R3HDM1: variants seen among roughly 807,000 people sequenced by gnomAD.
The protein encoded by R3HDM1 is R3H domain containing 1, also known as R3H domain-containing protein 1.
R3HDM1 carries 46 observed loss-of-function variants against 141.1 expected under a neutral mutation model. The ratio of observed to expected loss-of-function variants is 0.33; its 90% CI spans 0.26 to 0.42. R3HDM1 has a LOEUF of 0.42. R3HDM1 is among the 10% of genes least tolerant of loss of function. The pLI, the probability that R3HDM1 is intolerant of heterozygous loss-of-function variation, is 1.00. For missense variants in R3HDM1, 1,184 were observed against 1,368.3 expected (o/e 0.87, Z 2.12); for synonymous variants, 435 against 472.9 (o/e 0.92, Z 1.04).
At chr2:135,556,561 C>G (rs1700804154) in intron 1 of R3HDM1, among the ~76,000 whole-genome samples, 1 of 151,506 alleles carries the variant, frequency 6.6e-6, no homozygotes, top group Non-Finnish European at 1.5e-5. Context: ...CTCTGTCCCC[C>G]AGGCTGGAGT....
intron 1 of R3HDM1, among the ~76,000 whole-genome samples, chr2:135,578,220 A>T (rs1024080520): frequency 6.6e-6 from 1 of 152,220 alleles, no homozygotes; most frequent in Non-Finnish European, 1.5e-5. Context: ...TCGCTGAACT[A>T]CTTGCAGTGC....
chr2:135,720,733 A>G (rs2076622851), intron 24 of R3HDM1, among the ~76,000 whole-genome samples: 1 of 152,236 alleles, frequency 6.6e-6, no homozygotes, highest in Non-Finnish European at 1.5e-5. Context: ...CTTAAGACCT[A>G]GGATGTACAA....
intron 1 of R3HDM1, chr2:135,550,145 T>C: frequency 2.0e-6 from 2 of 983,374 alleles, no homozygotes; most frequent in African/African-American, 3.5e-5. Flanking sequence ...GTTGTCATTC[T>C]ATGTTACACG....
intron 19 of R3HDM1, among the ~76,000 whole-genome samples, chr2:135,670,781 G>A (rs1366855089): frequency 2.6e-5 from 4 of 152,070 alleles, no homozygotes; most frequent in Non-Finnish European, 4.4e-5. Flanking sequence ...ATTCAGGCCA[G>A]GTGCCGTGGC....
At chr2:135,645,264 T>C (rs77251379) in intron 15 of R3HDM1, 115 bp from the exon 16 acceptor site, 2 of 857,294 alleles carry the variant, frequency 2.3e-6, no homozygotes, top group East Asian at 5.5e-5. Context: ...AATATTAGGG[T>C]TTTTTTTTAA....
intron 1 of R3HDM1, among the ~76,000 whole-genome samples, chr2:135,600,925 C>G (rs1038534430): frequency 6.6e-6 from 1 of 152,176 alleles, no homozygotes; most frequent in Non-Finnish European, 1.5e-5. Flanking sequence ...GTGTTCACCT[C>G]TTCGGTTTTG....
intron 1 of R3HDM1, among the ~76,000 whole-genome samples, chr2:135,602,218 A>G (rs1449452049): frequency 1.3e-5 from 2 of 151,916 alleles, no homozygotes; most frequent in African/African-American, 2.4e-5. Flanking sequence ...TACTATCTCA[A>G]TTATAACCCT....
At chr2:135,639,311 A>G (rs988438422) in intron 14 of R3HDM1, among the ~76,000 whole-genome samples, 189 bp downstream of exon 14, 4 of 152,202 alleles carry the variant, frequency 2.6e-5, no homozygotes, top group African/African-American at 9.7e-5. Flanking sequence ...TCTGTCCTGG[A>G]CACAGATTTA....
chr2:135,535,914 A>G (rs987752306), intron 1 of R3HDM1, among the ~76,000 whole-genome samples: 1 of 152,122 alleles, frequency 6.6e-6, no homozygotes, highest in African/African-American at 2.4e-5. Flanking sequence ...TGGTTTTTTT[A>G]TATCTAGATT....
chr2:135,651,827 T>G lies in R3HDM1; in HGVS notation c.1823T>G (p.Val608Gly). Residue 608 changes from valine (V) to glycine (G), a missense_variant, in exon 18 of 27, where the codon GTG becomes GGG. Physicochemically the swap from Val to Gly is moderately radical, Grantham distance 109. Transcript: ENST00000683871. ...CATGCCGCCATGTTCCAGTCCACTG[T>G]GGTTCTTCAGTCTCCACAGCAGTCT... is the stretch of plus-strand genomic sequence containing the variant. ...DPHAAMFQST[V>G]VLQSPQQSGY... The G allele has an allele frequency of 6.2e-7, 1 of 1,614,130 alleles. No individual in the cohort carries two copies.
At chr2:135,552,664 T>A (rs1215928218) in intron 1 of R3HDM1, among the ~76,000 whole-genome samples, 2 of 152,140 alleles carry the variant, frequency 1.3e-5, no homozygotes, top group African/African-American at 4.8e-5. Flanking sequence ...TAAGGGAGGC[T>A]TTAGAGGAAG....
chr2:135,641,526 C>G lies in R3HDM1; in HGVS notation c.1220-10C>G. The G allele has an allele frequency of 6.3e-7, 1 of 1,580,022 alleles. No homozygotes were observed. The highest frequency in any genetic ancestry group is 8.6e-7 in the Non-Finnish European group (1 of 1,168,484). On this transcript the variant is annotated splice_polypyrimidine_tract_variant and intron_variant, in intron 14 of 26. Coordinates refer to ENST00000683871, the MANE Select transcript of R3HDM1 (RefSeq NM_001378107.1). The stretch of plus-strand genomic sequence containing the variant: ...TAAAAAATCCATATTTTTCATTACT[C>G]CTCTTCTAGGTTCTGAGTCTTCTGG...
At chr2:135,693,159 C>T (rs2072706694) in intron 21 of R3HDM1, among the ~76,000 whole-genome samples, 2 of 152,070 alleles carry the variant, frequency 1.3e-5, no homozygotes, top group South Asian at 4.1e-4. Context: ...TAATAATGAG[C>T]ACAATGGATT....
intron 7 of R3HDM1, among the ~76,000 whole-genome samples, chr2:135,629,703 C>G (rs1420902698): frequency 6.6e-6 from 1 of 152,054 alleles, no homozygotes; most frequent in Non-Finnish European, 1.5e-5. Flanking sequence ...AGGATGATAA[C>G]AGTTTTGTGA....
At chr2:135,651,364 C>T (rs1349994199) in intron 17 of R3HDM1, 1 of 983,886 alleles carries the variant, frequency 1.0e-6, no homozygotes, top group Non-Finnish European at 1.2e-6. Flanking sequence ...CTTTGAAGTC[C>T]TTTCAGAAAA....
chr2:135,641,533 T>C lies in R3HDM1; in HGVS notation c.1220-3T>C. 1 of 1,595,364 alleles carries C rather than the reference T, an allele frequency of 6.3e-7. No individual in the cohort carries two copies. The highest frequency in any genetic ancestry group is 8.5e-7 in the Non-Finnish European group (1 of 1,174,670). On this transcript the variant is annotated splice_polypyrimidine_tract_variant and splice_region_variant and intron_variant, in intron 14 of 26. Transcript: ENST00000683871. The stretch of plus-strand genomic sequence containing the variant: ...TCCATATTTTTCATTACTCCTCTTC[T>C]AGGTTCTGAGTCTTCTGGTAGTGTA...
chr2:135,668,753 C>A (rs184221248), intron 19 of R3HDM1, among the ~76,000 whole-genome samples: 1 of 152,290 alleles, frequency 6.6e-6, no homozygotes, highest in African/African-American at 2.4e-5. Flanking sequence ...CTGGCACTGC[C>A]CTGCTGAGTA....
At chr2:135,577,797 C>A (rs1705812818) in intron 1 of R3HDM1, among the ~76,000 whole-genome samples, 1 of 146,270 alleles carries the variant, frequency 6.8e-6, no homozygotes, top group Admixed American at 6.9e-5. Context: ...AAGATCGCGC[C>A]ATTGCACTCC....
intron 1 of R3HDM1, chr2:135,583,966 G>T (rs1707327642): frequency 2.0e-6 from 2 of 985,262 alleles, no homozygotes; most frequent in Non-Finnish European, 2.4e-6. Context: ...TATTTTTGCA[G>T]AAGTTGCTGG....
Sources: gnomAD v4.1 joint callset for allele counts (sites outside exome capture counted in the v4.1 genomes callset) on GRCh38, gnomAD v4.1.1 for gene constraint, MANE v1.5 for transcripts, NCBI Gene and HGNC (gene_info 2026-07-23, HGNC 2026-07-21) for gene names.